The following WRN variants were observed in gnomAD, a reference collection of about 807,000 sequenced individuals.
The protein encoded by WRN is bifunctional 3'-5' exonuclease/ATP-dependent helicase WRN.
In WRN, 149 loss-of-function variants were observed where a neutral mutation model predicts 180.7. The observed-to-expected ratio is 0.82, with a 90% confidence interval of 0.72 to 0.94. The LOEUF is 0.94. WRN is among the 40% of genes least tolerant of loss of function. WRN has a pLI of 0.00. For missense variants in WRN, 1,661 were observed against 1,700.1 expected, an observed-to-expected ratio of 0.98 and a Z score of 0.40; for synonymous variants, 548 against 568.9, an observed-to-expected ratio of 0.96 and a Z score of 0.52.
intron 18 of WRN, among the ~76,000 whole-genome samples, chr8:31,110,773 A>G (rs1801281632): frequency 6.6e-6 from 1 of 152,224 alleles, no homozygotes; most frequent in Non-Finnish European, 1.5e-5. Flanking sequence ...TCTTGGTGAT[A>G]GAACAGCTGA....
intron 23 of WRN, among the ~76,000 whole-genome samples, chr8:31,130,360 T>G (rs1802110777): frequency 6.6e-6 from 1 of 152,196 alleles, no homozygotes; most frequent in African/African-American, 2.4e-5. Context: ...GAATGCATTC[T>G]TATTGCTATT....
At chr8:31,043,737 T>G (rs1585385995) in intron 1 of WRN, among the ~76,000 whole-genome samples, 2 of 152,146 alleles carry the variant, frequency 1.3e-5, no homozygotes, top group East Asian at 3.9e-4. Context: ...GGAGGGGGGA[T>G]CATGCTTACT....
In WRN at chr8:31,124,593, A is replaced by C; in HGVS notation, c.2702A>C (p.Lys901Thr). 6.2e-7 allele frequency: 1 copy of C among 1,612,518 alleles called. No individual in the cohort carries two copies. Among genetic ancestry groups the C allele is most frequent in the South Asian group, 1.1e-5 (1 of 91,034 alleles). The change falls in exon 22 of 35, where the codon AAA becomes ACA. Residue 901 changes from lysine to threonine, a missense_variant. By Grantham distance (78) the Lys-to-Thr change is moderately conservative (BLOSUM62 -1). Coordinates refer to ENST00000298139, the MANE Select transcript of WRN (RefSeq NM_000553.6). ...TTAAAGATGATGGCAAAGATGGAAA[A>C]ATATCTTCATTCTAGCAGATGTAGG... The part of the protein sequence containing the change: ...YKLKMMAKME[K>T]YLHSSRCRRQ...
chr8:31,149,465 T>G lies in WRN; in HGVS notation c.3573-876T>G, dbSNP rs1486091730. Among the ~76,000 whole-genome samples, 35 of 31,930 alleles carry G rather than the reference T, an allele frequency of 1.1e-3. 1 individual carries two copies. The highest frequency in any genetic ancestry group is 3.6e-3 in the African/African-American group (35 of 9,680). The allele number at this position is 31,930 out of a possible 152,430, so 20.9% of individuals were successfully genotyped here. ...TACTTTAATAGAGGTGTTTTTTTTT[T>G]TTTTTTTTTTTTTTTTTTTTTTTTT... On this transcript the variant is annotated intron_variant, in intron 30 of 34. Transcript: ENST00000298139.
At chr8:31,086,062 C>T (rs899038410) in intron 11 of WRN, among the ~76,000 whole-genome samples, 16 of 152,016 alleles carry the variant, frequency 1.1e-4, no homozygotes, top group Admixed American at 1.3e-4. Context: ...TCCTTTACCT[C>T]TAATTTCTTT....
chr8:31,034,127 C>T (rs1811349891), intron 1 of WRN, among the ~76,000 whole-genome samples, 154 bp downstream of exon 1: 1 of 152,192 alleles, frequency 6.6e-6, no homozygotes, highest in African/African-American at 2.4e-5. Flanking sequence ...CTCCCTTTTC[C>T]TTTCCCCTCT....
intron 19 of WRN, among the ~76,000 whole-genome samples, chr8:31,114,586 A>C (rs999866507): frequency 6.6e-6 from 1 of 152,038 alleles, no homozygotes; most frequent in African/African-American, 2.4e-5. Context: ...ATTGAAAAGG[A>C]CTCCAATTTT....
rs187297225 is a variant in WRN, at chr8:31,159,407, C to T, written c.3982+1877C>T. Among the ~76,000 whole-genome samples, 851 of 152,062 alleles carry T rather than the reference C, an allele frequency of 5.6e-3. 11 individuals carry two copies. The highest frequency in any genetic ancestry group is 3.3e-3 in the Non-Finnish European group (221 of 67,996). On this transcript the variant is annotated intron_variant, in intron 33 of 34. Coordinates refer to ENST00000298139, the MANE Select transcript of WRN (RefSeq NM_000553.6). ...GGAAGGGACAGTGGTTGAAAAACTA[C>T]GTGTTGGGTACTATGCTCACTATCT...
chr8:31,162,276 T>C (rs1471350540), intron 33 of WRN, among the ~76,000 whole-genome samples: 1 of 152,254 alleles, frequency 6.6e-6, no homozygotes, highest in African/African-American at 2.4e-5. Context: ...TTTTTGATTT[T>C]GTTAAATTTG....
At chr8:31,140,312 T>A (rs992155468) in intron 24 of WRN, among the ~76,000 whole-genome samples, 2 of 152,116 alleles carry the variant, frequency 1.3e-5, no homozygotes, top group African/African-American at 4.8e-5. Flanking sequence ...TGAACCACTG[T>A]GCCTGGCCCA....
chr8:31,096,876 A>G, intron 17 of WRN, 26 bp downstream of exon 17: 1 of 1,589,978 alleles, frequency 6.3e-7, no homozygotes, highest in Non-Finnish European at 8.6e-7. Flanking sequence ...AGATCTCTGT[A>G]AATACTTACT....
chr8:31,136,436 C>T (rs1802398936), intron 24 of WRN, among the ~76,000 whole-genome samples: 1 of 152,214 alleles, frequency 6.6e-6, no homozygotes, highest in South Asian at 2.1e-4. Context: ...TGTCCTAGGT[C>T]ATACTGTTAC....
chr8:31,161,412 G>A (rs1402895436), intron 33 of WRN, among the ~76,000 whole-genome samples: 1 of 152,160 alleles, frequency 6.6e-6, no homozygotes, highest in Non-Finnish European at 1.5e-5. Flanking sequence ...AGGCTGTACG[G>A]TATAGCTCCT....
At chr8:31,145,790 A>G (rs992714278) in intron 28 of WRN, among the ~76,000 whole-genome samples, 1 of 152,102 alleles carries the variant, frequency 6.6e-6, no homozygotes, top group African/African-American at 2.4e-5. Context: ...AGAGTAGGTC[A>G]GAATATCAAT....
At chr8:31,059,123 G>A (rs1812385199) in intron 2 of WRN, 30 bp from the exon 3 acceptor site, 1 of 1,496,448 alleles carries the variant, frequency 6.7e-7, no homozygotes, top group Non-Finnish European at 9.3e-7. Flanking sequence ...TGTGAACTTT[G>A]TGCCTGTTTT....
intron 19 of WRN, among the ~76,000 whole-genome samples, chr8:31,115,407 A>T (rs1801481770): frequency 6.6e-6 from 1 of 152,122 alleles, no homozygotes; most frequent in Non-Finnish European, 1.5e-5. Context: ...AGGTTTTATA[A>T]TTTTTTTAAT....
intron 18 of WRN, among the ~76,000 whole-genome samples, chr8:31,101,768 CA>C (rs1223394316): frequency 4.9e-5 from 4 of 81,476 alleles, no homozygotes; most frequent in African/African-American, 2.0e-4. Flanking sequence ...GCCTGGGCAA[CA>C]AGAGCGAAAC....
intron 7 of WRN, among the ~76,000 whole-genome samples, chr8:31,073,907 A>G (rs1813002246): frequency 6.6e-6 from 1 of 151,712 alleles, no homozygotes; most frequent in Non-Finnish European, 1.5e-5. Flanking sequence ...GGAGGCCATC[A>G]GTAACCTTTT....
rs7844211 is a variant in WRN, at chr8:31,157,788, C to T, written c.3982+258C>T. ...TCTTGTCTAGGCTGGAGTGCAGTGGCGTGATCTTGGCTCGCTGCAACCTCT... is the reference window on the plus strand; with the variant it reads ...TCTTGTCTAGGCTGGAGTGCAGTGGTGTGATCTTGGCTCGCTGCAACCTCT... On this transcript the variant is annotated intron_variant, in intron 33 of 34. Transcript: ENST00000298139. Among the ~76,000 whole-genome samples the T allele has an allele frequency of 0.059, 8,997 of 152,132 alleles. 308 individuals carry two copies. Among genetic ancestry groups the T allele is most frequent in the Non-Finnish European group, 0.068 (4,621 of 68,004 alleles).
Sources: allele counts gnomAD v4.1 joint callset (sites outside exome capture counted in the v4.1 genomes callset), GRCh38; gene constraint gnomAD v4.1.1; transcripts MANE v1.5; gene names NCBI Gene and HGNC (gene_info 2026-07-23, HGNC 2026-07-21).